Variants in EYA1 observed in about 807,000 individuals in gnomAD.
EYA1 encodes the protein EYA transcriptional coactivator and phosphatase 1.
EYA1 carries 16 observed loss-of-function variants against 82.0 expected under a neutral mutation model. The observed-to-expected ratio is 0.20, with a 90% CI of 0.13 to 0.30. EYA1 has a LOEUF of 0.30. EYA1 is among the 10% of genes least tolerant of loss of function. The pLI is 1.00. For missense variants in EYA1, 633 were observed against 730.7 expected, an observed-to-expected ratio of 0.87 and a Z score of 1.54; for synonymous variants, 261 against 264.4, an observed-to-expected ratio of 0.99 and a Z score of 0.12.
At chr8:71,215,764 G>C (rs1809115557) in intron 14 of EYA1, 36 bp from the exon 15 acceptor site, 1 of 1,385,472 alleles carries the variant, frequency 7.2e-7, no homozygotes, top group Admixed American at 1.7e-5. Context: ...ACTACTTCCT[G>C]ACCAACATAT....
At chr8:71,332,462 T>C (rs897673288) in intron 4 of EYA1, among the ~76,000 whole-genome samples, 4 of 152,184 alleles carry the variant, frequency 2.6e-5, no homozygotes, top group African/African-American at 7.2e-5. Flanking sequence ...CCTATACCCA[T>C]TGGTCACTGC....
In EYA1 at chr8:71,512,763, A is replaced by G. The variant is rs567943943; in HGVS notation, c.33+22981T>C. The stretch of plus-strand genomic sequence containing the variant: ...CAAAAGCTTTTCTGAAATTATAATT[A>G]AACTTTCCAATCAAAAAATAACACT... On this transcript the variant is annotated intron_variant, in intron 2 of 18. Coordinates refer to the EYA1 transcript ENST00000643681. Among the ~76,000 whole-genome samples the G allele has an allele frequency of 3.9e-5, 6 of 152,284 alleles. No homozygotes were observed. The East Asian group carries it at 1.2e-3, about 29-fold the overall frequency.
intron 12 of EYA1, among the ~76,000 whole-genome samples, chr8:71,232,780 G>A (rs531227423): frequency 5.3e-5 from 8 of 150,208 alleles, no homozygotes; most frequent in African/African-American, 1.2e-4. Flanking sequence ...TCATTCCCTC[G>A]TCCCTCCTTA....
At chr8:71,336,694 A>G (rs1452123922) in intron 3 of EYA1, among the ~76,000 whole-genome samples, 1 of 152,214 alleles carries the variant, frequency 6.6e-6, no homozygotes, top group Non-Finnish European at 1.5e-5. Context: ...TTAGGCCCCA[A>G]TAACACTGCT....
chr8:71,326,943 C>CA (rs1435254335), intron 4 of EYA1, among the ~76,000 whole-genome samples: 1 of 152,206 alleles, frequency 6.6e-6, no homozygotes, highest in Non-Finnish European at 1.5e-5. Flanking sequence ...CCAAGCCCTC[C>CA]ATTATCCTAT....
chr8:71,229,717 G>T (rs1810974036), intron 12 of EYA1, among the ~76,000 whole-genome samples: 1 of 152,138 alleles, frequency 6.6e-6, no homozygotes, highest in Non-Finnish European at 1.5e-5. Flanking sequence ...ACGTATAAAA[G>T]AATTCATCTC....
intron 2 of EYA1, among the ~76,000 whole-genome samples, chr8:71,531,935 AG>A (rs1196873373): frequency 1.3e-5 from 2 of 152,224 alleles, no homozygotes; most frequent in Admixed American, 1.3e-4. Context: ...TTCCAGAATT[AG>A]AAAGGTGGAC....
intron 2 of EYA1, among the ~76,000 whole-genome samples, chr8:71,410,832 C>T (rs1174701670): frequency 7.5e-5 from 10 of 134,208 alleles, no homozygotes; most frequent in Admixed American, 6.2e-4. Flanking sequence ...TCAATGCCAT[C>T]CCCATCAAGC....
At position 71,215,605 on chromosome 8, in the gene EYA1, G is replaced by A. The variant is rs758492963; in HGVS notation, c.1475+9C>T. The stretch of plus-strand genomic sequence containing the variant: ...CATTTCCTGGCAAAGACCCCGCAGA[G>A]AGCCTCACCGGGAGTGAATGAGCGA... On this transcript the variant is annotated intron_variant, in intron 15 of 17. Transcript: ENST00000340726. 9 of 1,612,424 alleles carry A rather than the reference G, an allele frequency of 5.6e-6. No homozygotes were observed. The highest frequency in any genetic ancestry group is 1.6e-4 in the Middle Eastern group (1 of 6,082).
intron 1 of EYA1, among the ~76,000 whole-genome samples, chr8:71,542,555 T>C (rs992909956): frequency 2.0e-5 from 3 of 152,216 alleles, no homozygotes; most frequent in African/African-American, 7.2e-5. Context: ...ATAGAACGAT[T>C]TACATTCTCT....
At chr8:71,472,788 G>GATATATATATAT (rs71264559) in intron 2 of EYA1, among the ~76,000 whole-genome samples, 1,315 of 126,644 alleles carry the variant, frequency 0.01, 13 homozygotes, top group African/African-American at 0.025. Flanking sequence ...TAGCTTTGAA[G>GATATATATATAT]ATATATATAT....
At position 71,312,374 on chromosome 8, in the gene EYA1, G is replaced by A. The variant is rs112825658; in HGVS notation, c.556+5178C>T. Among the ~76,000 whole-genome samples, 785 of 152,270 alleles carry A rather than the reference G, an allele frequency of 5.2e-3. 9 individuals carry two copies. Among genetic ancestry groups the A allele is most frequent in the African/African-American group, 0.016 (684 of 41,568 alleles). ...CCGTTTTGAGTAGCCATTCTTAACT[G>A]TTGATATCATACAAACTAAATTACT... On this transcript the variant is annotated intron_variant, in intron 7 of 17. Coordinates refer to ENST00000340726, the MANE Select transcript of EYA1 (RefSeq NM_000503.6).
intron 2 of EYA1, among the ~76,000 whole-genome samples, chr8:71,446,844 A>C (rs1006436040): frequency 6.6e-6 from 1 of 152,188 alleles, no homozygotes; most frequent in Non-Finnish European, 1.5e-5. Context: ...GACTTTCAGA[A>C]GTTGAAAGCA....
At position 71,327,764 on chromosome 8, in the gene EYA1, C is replaced by G. The variant is rs113665513; in HGVS notation, c.203-5496G>C. ...GAAAGACAGGTGGAGATAGCAATCA[C>G]CAACATCAGAGTGGCTCCATTTCTT... is the stretch of plus-strand genomic sequence containing the variant. On this transcript the variant is annotated intron_variant, in intron 4 of 17. Transcript: ENST00000340726. Among the ~76,000 whole-genome samples the G allele has an allele frequency of 5.5e-3, 839 of 152,120 alleles. 9 individuals carry two copies. The highest frequency in any genetic ancestry group is 0.018 in the African/African-American group (734 of 41,478).
chr8:71,516,530 G>T (rs185683106), intron 2 of EYA1, among the ~76,000 whole-genome samples: 1 of 152,168 alleles, frequency 6.6e-6, no homozygotes, highest in Non-Finnish European at 1.5e-5. Flanking sequence ...AACTCTGAGA[G>T]ATGGTTCAAG....
chr8:71,507,465 G>A (rs138981236), intron 2 of EYA1, among the ~76,000 whole-genome samples: 71 of 152,220 alleles, frequency 4.7e-4, no homozygotes, highest in East Asian at 4.2e-3. Context: ...CTAACACTTC[G>A]CTGGTGACAT....
intron 2 of EYA1, among the ~76,000 whole-genome samples, chr8:71,371,426 C>T (rs1160572046): frequency 6.6e-6 from 1 of 152,148 alleles, no homozygotes; most frequent in East Asian, 1.9e-4. Flanking sequence ...TTCAGACCAG[C>T]CCCAAAGGAA....
intron 11 of EYA1, among the ~76,000 whole-genome samples, chr8:71,255,479 A>G (rs1326756827): frequency 6.6e-6 from 1 of 152,216 alleles, no homozygotes; most frequent in Non-Finnish European, 1.5e-5. Context: ...AAGGGTGCTA[A>G]GACCATTCAA....
chr8:71,397,933 A>G (rs1829725529), intron 2 of EYA1, among the ~76,000 whole-genome samples: 1 of 152,128 alleles, frequency 6.6e-6, no homozygotes, highest in Non-Finnish European at 1.5e-5. Flanking sequence ...CACCAATCAG[A>G]CATAGATTTG....
Sources: gnomAD v4.1 joint callset for allele counts (sites outside exome capture counted in the v4.1 genomes callset) on GRCh38, gnomAD v4.1.1 for gene constraint, MANE v1.5 for transcripts, NCBI Gene and HGNC (gene_info 2026-07-23, HGNC 2026-07-21) for gene names.